Variants in RALYL observed in about 807,000 individuals in gnomAD.
The protein encoded by RALYL is RNA-binding Raly-like protein.
Under a neutral mutation model 35.1 loss-of-function variants are expected in RALYL, and 29 were observed. The ratio of observed to expected loss-of-function variants is 0.83; its 90% confidence interval spans 0.61 to 1.13. The LOEUF is 1.13. Among genes scored for constraint, RALYL ranks in the 50% most tolerant of loss-of-function variants. The pLI, the probability that RALYL is intolerant of heterozygous loss-of-function variation, is 0.00. For missense variants in RALYL, 359 were observed against 360.4 expected, an observed-to-expected ratio of 1.00 and a Z score of 0.03; for synonymous variants, 120 against 127.6, an observed-to-expected ratio of 0.94 and a Z score of 0.40.
At chr8:84,303,442 A>C (rs2132403035) in intron 1 of RALYL, among the ~76,000 whole-genome samples, 1 of 152,300 alleles carries the variant, frequency 6.6e-6, no homozygotes, top group East Asian at 1.9e-4. Flanking sequence ...TTCCCCTGTA[A>C]TTGCTGACAA....
intron 1 of RALYL, among the ~76,000 whole-genome samples, chr8:84,476,027 A>C (rs750396368): frequency 2.6e-5 from 4 of 152,200 alleles, no homozygotes; most frequent in Non-Finnish European, 5.9e-5. Flanking sequence ...TTATTACTAC[A>C]TTTCAGGGAT....
At chr8:84,403,771 T>A (rs2043182724) in intron 1 of RALYL, among the ~76,000 whole-genome samples, 2 of 151,994 alleles carry the variant, frequency 1.3e-5, no homozygotes, top group Non-Finnish European at 2.9e-5. Flanking sequence ...GAATTACTTT[T>A]GGCAGTATGG....
At chr8:84,292,411 G>C (rs546343480) in intron 1 of RALYL, among the ~76,000 whole-genome samples, 4 of 152,188 alleles carry the variant, frequency 2.6e-5, no homozygotes, top group African/African-American at 9.6e-5. Context: ...ACTTATAAAA[G>C]GGAGGGGAGA....
chr8:84,739,902 A>G (rs549718891), intron 2 of RALYL, among the ~76,000 whole-genome samples: 1 of 151,986 alleles, frequency 6.6e-6, no homozygotes, highest in African/African-American at 2.4e-5. Context: ...GTCACTATAT[A>G]TAAGAAGAAA....
At chr8:84,631,258 T>A (rs1459415102) in intron 2 of RALYL, among the ~76,000 whole-genome samples, 1 of 151,936 alleles carries the variant, frequency 6.6e-6, no homozygotes, top group Admixed American at 6.6e-5. Context: ...TGTATGAAAA[T>A]GGTATTAGCT....
At chr8:84,833,201 C>T (rs1288960869) in intron 4 of RALYL, among the ~76,000 whole-genome samples, 4 of 152,240 alleles carry the variant, frequency 2.6e-5, no homozygotes, top group South Asian at 2.1e-4. Context: ...TTCATCTATA[C>T]GGATCCTAGT....
chr8:84,464,588 C>T (rs2051288354), intron 1 of RALYL, among the ~76,000 whole-genome samples: 2 of 149,886 alleles, frequency 1.3e-5, no homozygotes, highest in Admixed American at 6.7e-5. Context: ...GTGAATAATG[C>T]CGCAATAAAC....
chr8:84,812,757 C>T (rs1315450396), intron 4 of RALYL, among the ~76,000 whole-genome samples: 1 of 152,160 alleles, frequency 6.6e-6, no homozygotes, highest in African/African-American at 2.4e-5. Flanking sequence ...GGTCTCACTC[C>T]CACCATGCCC....
intron 2 of RALYL, among the ~76,000 whole-genome samples, chr8:84,563,711 G>A (rs577580033): frequency 4.6e-5 from 7 of 151,636 alleles, no homozygotes; most frequent in Non-Finnish European, 8.8e-5. Flanking sequence ...GTTTTAAAAA[G>A]ATGTCTCCCT....
At chr8:84,699,782 C>T (rs1413001806) in intron 2 of RALYL, among the ~76,000 whole-genome samples, 6 of 152,036 alleles carry the variant, frequency 3.9e-5, no homozygotes, top group Non-Finnish European at 7.4e-5. Context: ...GATGATAGTA[C>T]CTTTTATGTG....
chr8:84,577,607 C>CT (rs927513732), intron 2 of RALYL, among the ~76,000 whole-genome samples: 5 of 151,822 alleles, frequency 3.3e-5, no homozygotes, highest in Non-Finnish European at 7.4e-5. Context: ...ATGAATTCCC[C>CT]TTTTTTTTAA....
At chr8:84,574,549 C>G (rs1033907875) in intron 2 of RALYL, among the ~76,000 whole-genome samples, 3 of 151,990 alleles carry the variant, frequency 2.0e-5, no homozygotes, top group Admixed American at 1.3e-4. Flanking sequence ...ACTAATTATC[C>G]CTCTCTCTAC....
chr8:84,242,840 TTTAA>T (rs1828258766), intron 1 of RALYL, among the ~76,000 whole-genome samples: 1 of 152,188 alleles, frequency 6.6e-6, no homozygotes, highest in African/African-American at 2.4e-5. Flanking sequence ...AGCTCTTTAG[TTTAA>T]TTAGATTCCA....
intron 1 of RALYL, among the ~76,000 whole-genome samples, chr8:84,269,260 A>G (rs1833867121): frequency 6.6e-6 from 1 of 152,198 alleles, no homozygotes; most frequent in South Asian, 2.1e-4. Context: ...TTACCAACTA[A>G]TTAATTTGAA....
intron 2 of RALYL, among the ~76,000 whole-genome samples, chr8:84,761,253 A>AATT (rs1812622195): frequency 6.6e-6 from 1 of 151,898 alleles, no homozygotes; most frequent in East Asian, 1.9e-4. Flanking sequence ...GCAACTTTAA[A>AATT]GACCTTTAAA....
At chr8:84,766,623 C>T (rs929743614) in intron 2 of RALYL, among the ~76,000 whole-genome samples, 3 of 144,196 alleles carry the variant, frequency 2.1e-5, no homozygotes, top group African/African-American at 7.7e-5. Flanking sequence ...ACTTGGGAGG[C>T]TGTGGCAGGA....
chr8:84,920,670 G>C (rs1027520266), intron 8 of RALYL, among the ~76,000 whole-genome samples: 45 of 150,692 alleles, frequency 3.0e-4, no homozygotes, highest in Non-Finnish European at 2.1e-4. Flanking sequence ...AAATTAGCTG[G>C]ATTAAAAAAA....
chr8:84,921,182 G>A lies in RALYL; in HGVS notation c.*271G>A. ...TTTTTTTCAGTCTTAAAATGTGAAA[G>A]GCATTTATGAATGGTAAGGGAAACA... On this transcript the variant is annotated 3_prime_UTR_variant, in exon 9 of 9. Coordinates refer to ENST00000521268, the MANE Select transcript of RALYL (RefSeq NM_173848.7). The A allele has an allele frequency of 3.5e-6, 1 of 282,336 alleles. No individual in the cohort carries two copies. The highest frequency in any genetic ancestry group is 6.5e-6 in the Non-Finnish European group (1 of 153,962). 17.5% of individuals were successfully genotyped at this position (282,336 alleles called of 1,614,324 possible).
chr8:84,556,476 C>A (rs891988703), intron 2 of RALYL, among the ~76,000 whole-genome samples: 3 of 151,866 alleles, frequency 2.0e-5, no homozygotes, highest in African/African-American at 7.3e-5. Context: ...AAGCTCCTAT[C>A]GACCATGAAG....
Sources: gnomAD v4.1 joint callset for allele counts (sites outside exome capture counted in the v4.1 genomes callset) on GRCh38, gnomAD v4.1.1 for gene constraint, MANE v1.5 for transcripts, NCBI Gene and HGNC (gene_info 2026-07-23, HGNC 2026-07-21) for gene names.